Variants in ALCAM observed in about 807,000 individuals in gnomAD.
ALCAM encodes CD166 antigen.
ALCAM carries 30 observed loss-of-function variants against 70.9 expected under a neutral mutation model. The ratio of observed to expected loss-of-function variants is 0.42; its 90% CI spans 0.32 to 0.57. ALCAM has a LOEUF of 0.57. ALCAM is among the 20% of genes least tolerant of loss of function. The pLI, the probability that ALCAM is intolerant of heterozygous loss-of-function variation, is 0.11. For synonymous variants in ALCAM, 249 were observed against 242.5 expected (o/e 1.03, Z -0.25); for missense variants, 591 against 695.1 (o/e 0.85, Z 1.68).
chr3:105,392,513 T>C (rs527962169), intron 1 of ALCAM, among the ~76,000 whole-genome samples: 59 of 151,384 alleles, frequency 3.9e-4, no homozygotes, highest in Middle Eastern at 3.4e-3. Context: ...ATAATTATTA[T>C]TTAAAAAAAA....
intron 1 of ALCAM, among the ~76,000 whole-genome samples, chr3:105,515,180 A>G (rs577873192): frequency 6.6e-6 from 1 of 152,118 alleles, no homozygotes; most frequent in African/African-American, 2.4e-5. Context: ...AGATAACTCC[A>G]TGTGATTGAA....
chr3:105,545,035 G>T, intron 8 of ALCAM, 188 bp from the exon 9 acceptor site: 1 of 531,956 alleles, frequency 1.9e-6, no homozygotes, highest in Non-Finnish European at 3.5e-6. Context: ...GTCTAAACTA[G>T]TCTCAAGGCT....
rs77254588 is a variant in ALCAM, at chr3:105,416,271, A to G, written c.73+48790A>G. On this transcript the variant is annotated intron_variant, in intron 1 of 15. Coordinates refer to ENST00000306107, the MANE Select transcript of ALCAM (RefSeq NM_001627.4). Reference sequence around the variant, plus strand: ...TAAGGGAAGACTTTAATGTGCCTGAAGCTGTGTTTTTCCAAATGTAACATT... The same window carrying G: ...TAAGGGAAGACTTTAATGTGCCTGAGGCTGTGTTTTTCCAAATGTAACATT... Among the ~76,000 whole-genome samples, 863 of 152,080 alleles carry G rather than the reference A, an allele frequency of 5.7e-3. 7 individuals carry two copies. The highest frequency in any genetic ancestry group is 0.02 in the African/African-American group (833 of 41,534).
intron 1 of ALCAM, among the ~76,000 whole-genome samples, chr3:105,447,134 T>C (rs1003928610): frequency 2.7e-5 from 4 of 147,700 alleles, no homozygotes; most frequent in African/African-American, 1.1e-4. Context: ...AATATATTTA[T>C]TATTATGTGT....
At chr3:105,445,446 T>C (rs1937272263) in intron 1 of ALCAM, among the ~76,000 whole-genome samples, 1 of 152,098 alleles carries the variant, frequency 6.6e-6, no homozygotes, top group Admixed American at 6.6e-5. Flanking sequence ...TATCAAAATA[T>C]CAATGAAATT....
At chr3:105,371,488 C>G (rs1038501677) in intron 1 of ALCAM, among the ~76,000 whole-genome samples, 1 of 150,432 alleles carries the variant, frequency 6.6e-6, no homozygotes, top group African/African-American at 2.4e-5. Context: ...TCACTTTTAT[C>G]ATTTTATTAA....
intron 1 of ALCAM, among the ~76,000 whole-genome samples, chr3:105,451,662 A>G (rs77843114): frequency 6.6e-6 from 1 of 152,362 alleles, no homozygotes; most frequent in Non-Finnish European, 1.5e-5. Flanking sequence ...TTAGGAACAT[A>G]ACAATTGAAA....
rs139158068 is a variant in ALCAM at position 105,488,312 on chromosome 3, TAA to T, written c.74-31754_74-31753del. ...AAATTACCCAGCCTAACAAACAGAC[TAA>T]GACAGCCATCAGTGGTCAAAGAGCT... On this transcript the variant is annotated intron_variant, in intron 1 of 15. Transcript: ENST00000306107. Among the ~76,000 whole-genome samples the T allele has an allele frequency of 1.7e-4, 26 of 152,144 alleles. No individual in the cohort carries two copies. The East Asian group carries it at 5.0e-3, about 29-fold the overall frequency.
intron 1 of ALCAM, among the ~76,000 whole-genome samples, chr3:105,469,234 C>T (rs772176569): frequency 1.1e-4 from 16 of 151,208 alleles, no homozygotes; most frequent in Non-Finnish European, 2.2e-4. Flanking sequence ...GTGACCACTG[C>T]GGTAGGCAGC....
At chr3:105,394,366 C>T (rs569982341) in intron 1 of ALCAM, among the ~76,000 whole-genome samples, 3 of 152,006 alleles carry the variant, frequency 2.0e-5, no homozygotes, top group East Asian at 1.9e-4. Flanking sequence ...TGTTGAGGTA[C>T]TTATCTCCTG....
At chr3:105,548,105 A>G (rs1410270972) in intron 11 of ALCAM, among the ~76,000 whole-genome samples, 1 of 151,514 alleles carries the variant, frequency 6.6e-6, no homozygotes, top group Admixed American at 6.6e-5. Flanking sequence ...CAAAAGGGTC[A>G]TAAACCAGAC....
At chr3:105,519,880 G>T (rs1939484333) in intron 1 of ALCAM, among the ~76,000 whole-genome samples, 187 bp from the exon 2 acceptor site, 1 of 152,084 alleles carries the variant, frequency 6.6e-6, no homozygotes, top group South Asian at 2.1e-4. Context: ...TAAATAGAAA[G>T]GTGGTAATTT....
At chr3:105,531,919 G>C (rs991123641) in intron 3 of ALCAM, 83 bp from the exon 4 acceptor site, 3 of 1,067,326 alleles carry the variant, frequency 2.8e-6, no homozygotes, top group Middle Eastern at 2.9e-4. Flanking sequence ...TTGAGTAAAT[G>C]AATTGTTTTT....
intron 1 of ALCAM, among the ~76,000 whole-genome samples, chr3:105,426,292 T>A (rs912842443): frequency 2.6e-5 from 4 of 151,886 alleles, no homozygotes; most frequent in African/African-American, 9.7e-5. Flanking sequence ...ATTTTTAAGG[T>A]TGTTGGTACC....
intron 6 of ALCAM, among the ~76,000 whole-genome samples, chr3:105,539,316 AC>A (rs1280802516): frequency 3.3e-5 from 5 of 152,194 alleles, no homozygotes; most frequent in Non-Finnish European, 7.4e-5. Flanking sequence ...GCTGAAGCAT[AC>A]CCTTTAGCCC....
At chr3:105,508,797 G>T (rs973909557) in intron 1 of ALCAM, among the ~76,000 whole-genome samples, 11 of 141,556 alleles carry the variant, frequency 7.8e-5, no homozygotes, top group African/African-American at 2.6e-4. Flanking sequence ...ATTAACCACA[G>T]TCATCATGCT....
intron 9 of ALCAM, among the ~76,000 whole-genome samples, chr3:105,546,142 A>G (rs539838949): frequency 1.3e-5 from 2 of 151,338 alleles, no homozygotes; most frequent in Non-Finnish European, 3.0e-5. Flanking sequence ...ACCCTTGGCT[A>G]GTATATCCAA....
intron 1 of ALCAM, among the ~76,000 whole-genome samples, chr3:105,379,753 C>T (rs1935469637): frequency 6.6e-6 from 1 of 151,648 alleles, no homozygotes; most frequent in Non-Finnish European, 1.5e-5. Flanking sequence ...TTCCAATGAC[C>T]TCTAATTTAA....
chr3:105,539,871 T>A, intron 6 of ALCAM, 104 bp from the exon 7 acceptor site: 1 of 1,217,922 alleles, frequency 8.2e-7, no homozygotes, highest in Non-Finnish European at 1.1e-6. Flanking sequence ...TTACCATTAC[T>A]AGCTTCTTGA....
Sources: gnomAD v4.1 joint callset for allele counts (sites outside exome capture counted in the v4.1 genomes callset) on GRCh38, gnomAD v4.1.1 for gene constraint, MANE v1.5 for transcripts, NCBI Gene and HGNC (gene_info 2026-07-23, HGNC 2026-07-21) for gene names.